The following DYM variants were observed in gnomAD, a reference collection of about 807,000 sequenced individuals.
The protein encoded by DYM is dymeclin, also known as dyggve-Melchior-Clausen syndrome protein.
Under a neutral mutation model 93.1 loss-of-function variants are expected in DYM, and 78 were observed. The ratio of observed to expected loss-of-function variants is 0.84; its 90% CI spans 0.70 to 1.01. The LOEUF is 1.01. Among genes scored for constraint, DYM ranks in the 50% least tolerant of loss-of-function variants. The pLI is 0.00. For missense variants in DYM, 789 were observed against 845.0 expected (o/e 0.93, Z 0.82); for synonymous variants, 321 against 319.7 (o/e 1.00, Z -0.04).
chr18:49,406,649 T>C (rs1336655698), intron 2 of DYM, among the ~76,000 whole-genome samples: 1 of 152,128 alleles, frequency 6.6e-6, no homozygotes, highest in Non-Finnish European at 1.5e-5. Context: ...GAGGCAACAC[T>C]AAACACCTAT....
intron 8 of DYM, among the ~76,000 whole-genome samples, chr18:49,328,707 G>A (rs532527667): frequency 1.5e-4 from 23 of 152,278 alleles, no homozygotes; most frequent in African/African-American, 5.3e-4. Flanking sequence ...GGTCAGCAGA[G>A]AAATGCAAAT....
chr18:49,426,238 C>T (rs2074270816), intron 2 of DYM, among the ~76,000 whole-genome samples: 1 of 151,972 alleles, frequency 6.6e-6, no homozygotes, highest in Non-Finnish European at 1.5e-5. Flanking sequence ...GAGTTCACGT[C>T]CTCTGTAGGA....
intron 13 of DYM, among the ~76,000 whole-genome samples, chr18:49,237,932 T>G (rs1235672055): frequency 6.6e-6 from 1 of 151,566 alleles, no homozygotes; most frequent in Admixed American, 6.6e-5. Context: ...TGCACACTAC[T>G]AGATCAATGT....
At chr18:49,236,523 T>C (rs922831216) in intron 13 of DYM, among the ~76,000 whole-genome samples, 3 of 151,982 alleles carry the variant, frequency 2.0e-5, no homozygotes, top group Non-Finnish European at 4.4e-5. Context: ...TTCTCAGTCA[T>C]GTTACTGGTA....
intron 1 of DYM, among the ~76,000 whole-genome samples, chr18:49,451,656 G>A (rs1023444661): frequency 1.3e-5 from 2 of 152,202 alleles, no homozygotes; most frequent in Non-Finnish European, 2.9e-5. Context: ...GGACTATGCA[G>A]AAATAATTAC....
At chr18:49,237,039 T>A (rs1225487670) in intron 13 of DYM, among the ~76,000 whole-genome samples, 1 of 152,206 alleles carries the variant, frequency 6.6e-6, no homozygotes, top group Non-Finnish European at 1.5e-5. Context: ...GGTATCTTCA[T>A]GCTCAATTTT....
chr18:49,170,066 C>T (rs541380204), intron 14 of DYM, among the ~76,000 whole-genome samples: 45 of 152,086 alleles, frequency 3.0e-4, no homozygotes, highest in African/African-American at 9.9e-4. Flanking sequence ...GGAGGGAGAG[C>T]GCTCAGGAAG....
intron 15 of DYM, among the ~76,000 whole-genome samples, chr18:49,122,042 A>G: frequency 6.6e-6 from 1 of 152,210 alleles, no homozygotes; most frequent in African/African-American, 2.4e-5. Flanking sequence ...GTAGAGATGT[A>G]TTATAGGTTT....
chr18:49,170,212 G>T (rs2088485560), intron 14 of DYM, among the ~76,000 whole-genome samples: 1 of 152,186 alleles, frequency 6.6e-6, no homozygotes, highest in South Asian at 2.1e-4. Context: ...AATTGAACCA[G>T]AGAGAGTAAT....
In DYM at chr18:49,270,942, G is replaced by T. The variant is rs1260181078; in HGVS notation, c.1251+1236C>A. ...TATAGAACCCCTAGCAAGGAGACTG[G>T]AAGAATCAAAAACAATCCACCCAAA... On this transcript the variant is annotated intron_variant, in intron 11 of 17. Transcript: ENST00000675505. Among the ~76,000 whole-genome samples the T allele has an allele frequency of 3.3e-5, 5 of 152,186 alleles. No homozygotes were observed. In the East Asian group the frequency reaches 7.7e-4, roughly 24 times the overall value.
At chr18:49,258,887 T>C (rs372668511) in intron 11 of DYM, among the ~76,000 whole-genome samples, 6 of 44,266 alleles carry the variant, frequency 1.4e-4, no homozygotes, top group African/African-American at 4.0e-4. Flanking sequence ...GAGAGAGAGA[T>C]AGGCAGGCAG....
At chr18:49,104,399 T>C (rs2080548415) in intron 16 of DYM, among the ~76,000 whole-genome samples, 1 of 152,198 alleles carries the variant, frequency 6.6e-6, no homozygotes, top group Non-Finnish European at 1.5e-5. Flanking sequence ...TTGAATATCC[T>C]TTATTTCCTT....
chr18:49,228,491 A>G (rs1216001000), intron 13 of DYM, among the ~76,000 whole-genome samples: 1 of 152,160 alleles, frequency 6.6e-6, no homozygotes, highest in Non-Finnish European at 1.5e-5. Context: ...AATCATTATA[A>G]TCATCCCTGG....
In DYM at chr18:49,155,086, T is replaced by G. The variant is rs533893175; in HGVS notation, c.1728+8599A>C. On this transcript the variant is annotated intron_variant, in intron 15 of 17. Coordinates refer to ENST00000675505, the MANE Select transcript of DYM (RefSeq NM_001353214.3). ...TTTATACTTTATTTAATAAGTCCCT[T>G]ATTGAGGGATATTTTGCTTATTTCT... 1.3e-3 allele frequency among the ~76,000 whole-genome samples: 202 copies of G among 152,356 alleles called. 1 individual carries two copies. Among genetic ancestry groups the G allele is most frequent in the African/African-American group, 4.5e-3 (187 of 41,580 alleles).
chr18:49,332,274 C>T (rs1237484716), intron 7 of DYM, among the ~76,000 whole-genome samples: 8 of 152,002 alleles, frequency 5.3e-5, no homozygotes, highest in Non-Finnish European at 8.8e-5. Flanking sequence ...TGGGGAGAAA[C>T]AAGGTCTGGT....
Position 49,385,965 on chromosome 18 carries a change from G to C in DYM, c.193+5628C>G, listed in dbSNP as rs568614894. On this transcript the variant is annotated intron_variant, in intron 3 of 17. Transcript: ENST00000675505. ...CTAAGAGATGCATGCCACCATGCCA[G>C]GTTAATTTTTATTTTTCTTCTTATT... is the stretch of plus-strand genomic sequence containing the variant. 2.0e-5 allele frequency among the ~76,000 whole-genome samples: 3 copies of C among 152,138 alleles called. No individual in the cohort carries two copies. In the South Asian group the frequency reaches 6.2e-4, roughly 32 times the overall value.
chr18:49,271,637 A>G (rs1352523781), intron 11 of DYM, among the ~76,000 whole-genome samples: 2 of 151,970 alleles, frequency 1.3e-5, no homozygotes, highest in Admixed American at 6.6e-5. Flanking sequence ...CTTCTATACA[A>G]GTTTTAAAAC....
intron 1 of DYM, among the ~76,000 whole-genome samples, chr18:49,435,204 T>A (rs2080723674): frequency 1.3e-5 from 1 of 74,306 alleles, no homozygotes; most frequent in Non-Finnish European, 2.3e-5. Flanking sequence ...CATGACTCCA[T>A]CTCAAAAAAA....
chr18:49,127,699 T>TA (rs1246014896), intron 15 of DYM, among the ~76,000 whole-genome samples: 1 of 152,238 alleles, frequency 6.6e-6, no homozygotes, highest in Non-Finnish European at 1.5e-5. Flanking sequence ...TTGTTATCTT[T>TA]ACGTTGCTAA....
Sources: allele counts gnomAD v4.1 joint callset (sites outside exome capture counted in the v4.1 genomes callset), GRCh38; gene constraint gnomAD v4.1.1; transcripts MANE v1.5; gene names NCBI Gene and HGNC (gene_info 2026-07-23, HGNC 2026-07-21).